Variants in CPAMD8 observed in about 807,000 individuals in gnomAD.
CPAMD8 encodes the protein C3 and PZP-like alpha-2-macroglobulin domain-containing protein 8.
CPAMD8 carries 146 observed loss-of-function variants against 224.7 expected under a neutral mutation model. That is an observed-to-expected ratio of 0.65 (90% CI 0.57 to 0.75). CPAMD8 has a LOEUF of 0.75. Ranked by LOEUF, CPAMD8 falls within the 30% of genes least tolerant of loss-of-function variation. CPAMD8 has a pLI of 0.00. For synonymous variants in CPAMD8, 966 were observed against 1,044.6 expected, an observed-to-expected ratio of 0.92 and a Z score of 1.45; for missense variants, 2,301 against 2,537.5, an observed-to-expected ratio of 0.91 and a Z score of 2.00.
chr19:16,936,886 GTTTA>G (rs1195155669), intron 23 of CPAMD8, among the ~76,000 whole-genome samples: 1 of 152,108 alleles, frequency 6.6e-6, no homozygotes, highest in African/African-American at 2.4e-5. Flanking sequence ...GTTTGAAGAG[GTTTA>G]TTTATTAATG....
chr19:16,951,827 T>C, intron 20 of CPAMD8, 142 bp downstream of exon 20: 1 of 612,254 alleles, frequency 1.6e-6, no homozygotes, highest in Non-Finnish European at 2.9e-6. Flanking sequence ...CACCCATCCC[T>C]GCCTCCTCAA....
chr19:17,005,333 T>A (rs575182344), intron 7 of CPAMD8, among the ~76,000 whole-genome samples: 12 of 152,152 alleles, frequency 7.9e-5, no homozygotes, highest in Non-Finnish European at 1.5e-4. Context: ...CAAGCCAAAA[T>A]GTCCCCAGAC....
chr19:16,910,024 G>A (rs1276184529), intron 29 of CPAMD8, among the ~76,000 whole-genome samples: 1 of 150,514 alleles, frequency 6.6e-6, no homozygotes, highest in East Asian at 2.0e-4. Flanking sequence ...GCTGATTTTT[G>A]TACTTTTAGT....
At position 17,004,452 on chromosome 19, in the gene CPAMD8, G is replaced by T. The variant is rs937093605; in HGVS notation, c.560-66C>A. 1.1e-4 allele frequency: 119 copies of T among 1,053,234 alleles called. No homozygotes were observed. In the African/African-American group the frequency reaches 1.7e-3, roughly 15 times the overall value. The allele number at this position is 1,053,234 out of a possible 1,614,324, so 65.2% of individuals were successfully genotyped here. A position where few individuals can be genotyped will look rare whatever the true frequency, so the allele number is the denominator to read the frequency against. On this transcript the variant is annotated intron_variant, in intron 7 of 41. Transcript: ENST00000443236. ...CAGACACGGTGAGGTACGGGAAGAG[G>T]GAGCCAGGACCCTGCTCCTTCTCCT...
chr19:16,940,360 G>A (rs1179318272), intron 22 of CPAMD8, among the ~76,000 whole-genome samples: 1 of 152,162 alleles, frequency 6.6e-6, no homozygotes, highest in Non-Finnish European at 1.5e-5. Context: ...TGTAGGGGGT[G>A]CGGATTTCTG....
intron 19 of CPAMD8, among the ~76,000 whole-genome samples, chr19:16,957,319 G>A (rs139977171): frequency 3.3e-5 from 5 of 152,326 alleles, no homozygotes; most frequent in East Asian, 1.9e-4. Context: ...GCCGGGGCAC[G>A]CCAGTGCCAC....
chr19:16,959,582 C>A (rs1404018201), intron 18 of CPAMD8, among the ~76,000 whole-genome samples: 2 of 151,682 alleles, frequency 1.3e-5, no homozygotes, highest in Non-Finnish European at 2.9e-5. Flanking sequence ...TCTCTGTTGC[C>A]CAGACTGGAG....
intron 36 of CPAMD8, among the ~76,000 whole-genome samples, chr19:16,900,838 CCT>C (rs1238900553): frequency 6.6e-6 from 1 of 151,746 alleles, no homozygotes; most frequent in Non-Finnish European, 1.5e-5. Context: ...ATGGCGAAAC[CCT>C]GTCTCTGCCA....
chr19:17,024,608 C>A (rs932128453), intron 1 of CPAMD8, among the ~76,000 whole-genome samples: 1 of 152,220 alleles, frequency 6.6e-6, no homozygotes, highest in African/African-American at 2.4e-5. Context: ...AATACGGGTT[C>A]AAGTCTTCAT....
Position 16,898,901 on chromosome 19 carries a change from C to G in CPAMD8, c.4848+574G>C, listed in dbSNP as rs757297308. On this transcript the variant is annotated intron_variant, in intron 37 of 41. Coordinates refer to ENST00000443236, the MANE Select transcript of CPAMD8 (RefSeq NM_015692.5). The surrounding 1 kb of genome is among the most constrained non-coding windows in gnomAD (Gnocchi z 4.2). Reference sequence around the variant, plus strand: ...CCAACTCTGCCTGGAATTTATTCTCCCAGTGTCTTATTTTTTTTTGTTTTT... The same window carrying G: ...CCAACTCTGCCTGGAATTTATTCTCGCAGTGTCTTATTTTTTTTTGTTTTT... Among the ~76,000 whole-genome samples the G allele has an allele frequency of 6.6e-6, 1 of 152,008 alleles. No individual in the cohort carries two copies. Among genetic ancestry groups the G allele is most frequent in the Non-Finnish European group, 1.5e-5 (1 of 68,012 alleles).
chr19:17,011,442 C>T (rs757525682), intron 5 of CPAMD8, 22 bp downstream of exon 5: 5 of 1,614,130 alleles, frequency 3.1e-6, no homozygotes, highest in Admixed American at 1.7e-5. Flanking sequence ...TCCGGGCCCG[C>T]GGTTTTAGAA....
At chr19:16,940,702 G>A (rs2053858783) in intron 22 of CPAMD8, among the ~76,000 whole-genome samples, 1 of 152,182 alleles carries the variant, frequency 6.6e-6, no homozygotes, top group Non-Finnish European at 1.5e-5. Context: ...CTGAGAGGCT[G>A]AGGACACCAT....
At chr19:17,007,073 C>T (rs2056511618) in intron 7 of CPAMD8, among the ~76,000 whole-genome samples, 1 of 152,052 alleles carries the variant, frequency 6.6e-6, no homozygotes, top group South Asian at 2.1e-4. Flanking sequence ...TGGCTCATGC[C>T]TGTAATCCCA....
intron 39 of CPAMD8, 185 bp from the exon 40 acceptor site, chr19:16,896,850 C>T (rs2052020926): frequency 9.6e-6 from 4 of 416,204 alleles, no homozygotes; most frequent in African/African-American, 6.2e-5. Context: ...AGGTATTTGC[C>T]TAATACTTAC....
rs1486376914 is a variant in CPAMD8, at chr19:16,898,695, T to C, written c.4849-701A>G. ...TGGGCATTTCATGTCAATGGAATCA[T>C]GTACTCTGTGGCCTTTTGTGTCTGG... On this transcript the variant is annotated intron_variant, in intron 37 of 41. Coordinates refer to ENST00000443236, the MANE Select transcript of CPAMD8 (RefSeq NM_015692.5). The surrounding 1 kb of genome is among the most constrained non-coding windows in gnomAD (Gnocchi z 4.2). Among the ~76,000 whole-genome samples, 1 of 152,182 alleles carries C rather than the reference T, an allele frequency of 6.6e-6. No individual in the cohort carries two copies. Among genetic ancestry groups the C allele is most frequent in the Non-Finnish European group, 1.5e-5 (1 of 68,040 alleles).
chr19:16,993,276 C>T, intron 12 of CPAMD8, 140 bp downstream of exon 12: 1 of 657,046 alleles, frequency 1.5e-6, no homozygotes, highest in East Asian at 2.7e-5. Flanking sequence ...GTTGTCCATC[C>T]CACTGTCTAG....
intron 3 of CPAMD8, among the ~76,000 whole-genome samples, chr19:17,013,694 C>T (rs556909869): frequency 3.3e-5 from 5 of 151,168 alleles, no homozygotes; most frequent in East Asian, 3.9e-4. Flanking sequence ...TCTTCTTTTG[C>T]GGGGATAAAA....
intron 22 of CPAMD8, among the ~76,000 whole-genome samples, chr19:16,940,807 C>T (rs1248340286): frequency 6.6e-6 from 1 of 152,208 alleles, no homozygotes; most frequent in East Asian, 1.9e-4. Context: ...AGCTAGGGGG[C>T]ACCAGGGAAG....
chr19:16,931,478 G>A lies in CPAMD8; in HGVS notation c.2846-2238C>T, dbSNP rs115649971. On this transcript the variant is annotated intron_variant, in intron 23 of 41. Transcript: ENST00000443236. The stretch of plus-strand genomic sequence containing the variant: ...TGTCACAGCCACCACCAACACCAGA[G>A]CAGATTGCTTGGGAGCCGGAGGGTC... 2.9e-3 allele frequency among the ~76,000 whole-genome samples: 436 copies of A among 152,304 alleles called. 1 individual carries two copies. The highest frequency in any genetic ancestry group is 9.8e-3 in the African/African-American group (408 of 41,556).
Sources: gnomAD v4.1 joint callset for allele counts (sites outside exome capture counted in the v4.1 genomes callset) on GRCh38, gnomAD v4.1.1 for gene constraint, Gnocchi (gnomAD v3.1) non-coding constraint, MANE v1.5 for transcripts, NCBI Gene and HGNC (gene_info 2026-07-23, HGNC 2026-07-21) for gene names.